The following ANK1 variants were observed in gnomAD, a reference collection of about 807,000 sequenced individuals.
The protein encoded by ANK1 is ankyrin-1.
In ANK1, 51 loss-of-function variants were observed where a neutral mutation model predicts 210.4. The observed-to-expected ratio is 0.24, with a 90% CI of 0.19 to 0.31. The LOEUF is 0.31. Among genes scored for constraint, ANK1 ranks in the 10% least tolerant of loss-of-function variants. The pLI, the probability that ANK1 is intolerant of heterozygous loss-of-function variation, is 1.00. For synonymous variants in ANK1, 967 were observed against 1,025.9 expected (o/e 0.94, Z 1.10); for missense variants, 2,051 against 2,504.4 (o/e 0.82, Z 3.86).
intron 1 of ANK1, among the ~76,000 whole-genome samples, chr8:41,824,526 T>A (rs979476794): frequency 5.3e-5 from 8 of 152,122 alleles, no homozygotes; most frequent in African/African-American, 1.9e-4. Context: ...GAAACAGAAA[T>A]TCTATTTCCA....
At chr8:41,796,550 A>G (rs1041873292) in intron 1 of ANK1, among the ~76,000 whole-genome samples, 12 of 136,632 alleles carry the variant, frequency 8.8e-5, no homozygotes, top group African/African-American at 2.3e-4. Flanking sequence ...CTCTCCTTAG[A>G]AAAAAAAAAA....
At chr8:41,760,013 C>T (rs776453762) in intron 1 of ANK1, among the ~76,000 whole-genome samples, 70 of 152,172 alleles carry the variant, frequency 4.6e-4, no homozygotes, top group Non-Finnish European at 9.1e-4. Flanking sequence ...CAGGCGCCCC[C>T]CAACAGATTT....
chr8:41,870,219 G>A lies in ANK1; in HGVS notation c.126+26136C>T, dbSNP rs191808831. 5.9e-5 allele frequency among the ~76,000 whole-genome samples: 9 copies of A among 152,084 alleles called. No individual in the cohort carries two copies. In the East Asian group the frequency reaches 9.7e-4, roughly 16 times the overall value. The stretch of plus-strand genomic sequence containing the variant: ...GAACGCCAGTCTTTACCAAATGCCC[G>A]AGATTATGCATGTGAAGGTGAGGAG... On this transcript the variant is annotated intron_variant, in intron 1 of 42. Transcript: ENST00000265709.
intron 1 of ANK1, among the ~76,000 whole-genome samples, chr8:41,766,893 G>A (rs1444989241): frequency 6.6e-6 from 1 of 152,196 alleles, no homozygotes; most frequent in African/African-American, 2.4e-5. Context: ...GGCCAGACGT[G>A]CCGCAAGCCA....
chr8:41,744,146 C>A (rs540970345), intron 2 of ANK1, among the ~76,000 whole-genome samples: 50 of 152,260 alleles, frequency 3.3e-4, no homozygotes, highest in African/African-American at 1.2e-3. Context: ...TAAAATAAGT[C>A]ATGGGAGTAT....
chr8:41,867,520 G>A (rs1026855399), intron 1 of ANK1, among the ~76,000 whole-genome samples: 6 of 152,170 alleles, frequency 3.9e-5, no homozygotes, highest in African/African-American at 1.4e-4. Context: ...TCCAGCCACA[G>A]CAAATGACTC....
chr8:41,781,653 G>A (rs1431690367), intron 1 of ANK1, among the ~76,000 whole-genome samples: 14 of 152,194 alleles, frequency 9.2e-5, no homozygotes, highest in Admixed American at 5.9e-4. Context: ...GGCCTGGGAC[G>A]GACCATTCCA....
intron 23 of ANK1, among the ~76,000 whole-genome samples, chr8:41,698,442 G>A (rs545014622): frequency 6.6e-6 from 1 of 152,306 alleles, no homozygotes; most frequent in South Asian, 2.1e-4. Context: ...CTTACGGTCA[G>A]GGTTACAGCT....
intron 1 of ANK1, among the ~76,000 whole-genome samples, chr8:41,776,459 A>G (rs934915138): frequency 3.3e-5 from 5 of 152,106 alleles, no homozygotes; most frequent in African/African-American, 9.7e-5. Flanking sequence ...CAACAGTAAC[A>G]TCGTCATGTA....
At chr8:41,798,233 CG>C (rs1388981088), upstream of ANK1, among the ~76,000 whole-genome samples, 1 of 152,050 alleles carries the variant, frequency 6.6e-6, no homozygotes, top group East Asian at 2.0e-4. Context: ...TCTCCAAGGC[CG>C]GGGAGCCTCC....
intron 39 of ANK1, among the ~76,000 whole-genome samples, chr8:41,666,987 A>G (rs28602970): frequency 0.23 from 34,474 of 152,168 alleles, 4,028 homozygotes; most frequent in Middle Eastern, 0.29. Context: ...AAGGCTGACC[A>G]CAGAGGGGCA....
intron 34 of ANK1, 22 bp downstream of exon 34, chr8:41,688,489 C>G: frequency 6.2e-7 from 1 of 1,611,138 alleles, no homozygotes; most frequent in Non-Finnish European, 8.5e-7. Context: ...AGCAAGCATG[C>G]ATCATCACAC....
intron 1 of ANK1, among the ~76,000 whole-genome samples, chr8:41,830,982 T>C (rs551930910): frequency 1.3e-5 from 2 of 152,304 alleles, no homozygotes; most frequent in Non-Finnish European, 2.9e-5. Flanking sequence ...TATCAGTGCA[T>C]GGAGAGGCTA....
rs1804806066 is a variant in ANK1 at position 41,653,747 on chromosome 8, G to A, written c.*2043C>T. The stretch of plus-strand genomic sequence containing the variant: ...TGGAGGGGGGCGCCTCTGCGCCCTG[G>A]AGGCCGGGCCGGGGTGGCCTCTGGC... On this transcript the variant is annotated 3_prime_UTR_variant, in exon 43 of 43. Transcript: ENST00000289734. 1 of 152,302 alleles carries A rather than the reference G, an allele frequency of 6.6e-6. No homozygotes were observed. The highest frequency in any genetic ancestry group is 2.1e-4 in the South Asian group (1 of 4,838). The allele number at this position is 152,302 out of a possible 1,614,324, so 9.4% of individuals were successfully genotyped here.
intron 1 of ANK1, among the ~76,000 whole-genome samples, chr8:41,836,227 C>T (rs889785360): frequency 1.3e-5 from 2 of 152,250 alleles, no homozygotes; most frequent in Non-Finnish European, 2.9e-5. Flanking sequence ...CTGCAGATCC[C>T]GTCGCAACAA....
At chr8:41,703,779 C>T (rs1044725953) in intron 20 of ANK1, among the ~76,000 whole-genome samples, 5 of 152,038 alleles carry the variant, frequency 3.3e-5, no homozygotes, top group Admixed American at 3.3e-4. Context: ...GTGTAAGCCA[C>T]TGCACTCACA....
rs576947011 is a variant in ANK1 at position 41,743,588 on chromosome 8, G to A, written c.130-9519C>T. ...TGCCCTGCAGGGCATGGGCAGCAGCGTGTCTGGGGTCTGAGAAAGAGGACA... is the reference window on the plus strand; with the variant it reads ...TGCCCTGCAGGGCATGGGCAGCAGCATGTCTGGGGTCTGAGAAAGAGGACA... On this transcript the variant is annotated intron_variant, in intron 2 of 42. Coordinates refer to ENST00000289734, the MANE Select transcript of ANK1 (RefSeq NM_000037.4). Among the ~76,000 whole-genome samples, 5 of 152,300 alleles carry A rather than the reference G, an allele frequency of 3.3e-5. No individual in the cohort carries two copies. In the South Asian group the frequency reaches 6.2e-4, roughly 19 times the overall value.
Position 41,694,570 on chromosome 8 carries a change from T to C in ANK1, c.3327+22A>G. On this transcript the variant is annotated intron_variant, in intron 28 of 42. Transcript: ENST00000289734. The surrounding 1 kb of genome is among the most constrained non-coding windows in gnomAD (Gnocchi z 5.7). ...TGGAGTTCAGTCCACCCCCAGGACC[T>C]GGCGGGGAGGAGGGCTGTCACCTGC... The C allele has an allele frequency of 6.2e-7, 1 of 1,608,546 alleles. No individual in the cohort carries two copies. Among genetic ancestry groups the C allele is most frequent in the Non-Finnish European group, 8.5e-7 (1 of 1,177,932 alleles).
intron 1 of ANK1, among the ~76,000 whole-genome samples, chr8:41,774,544 A>C (rs1315956599): frequency 6.6e-6 from 1 of 152,182 alleles, no homozygotes; most frequent in African/African-American, 2.4e-5. Context: ...TCCACACCCC[A>C]ACCTGCCCTG....
Sources: allele counts gnomAD v4.1 joint callset (sites outside exome capture counted in the v4.1 genomes callset), GRCh38; gene constraint gnomAD v4.1.1; non-coding constraint Gnocchi (gnomAD v3.1); transcripts MANE v1.5; gene names NCBI Gene and HGNC (gene_info 2026-07-23, HGNC 2026-07-21).